The following SHROOM3 variants were observed in gnomAD, a reference collection of about 807,000 sequenced individuals.
SHROOM3 encodes the protein protein Shroom3.
In SHROOM3, 47 loss-of-function variants were observed where a neutral mutation model predicts 138.6. The ratio of observed to expected loss-of-function variants is 0.34; its 90% CI spans 0.27 to 0.43. SHROOM3 has a LOEUF of 0.43. Among genes scored for constraint, SHROOM3 ranks in the 20% least tolerant of loss-of-function variants. The probability of loss-of-function intolerance (pLI) is 1.00; values close to 1 mark genes in which losing one functional copy is unlikely to be tolerated. For synonymous variants in SHROOM3, 1,062 were observed against 1,063.3 expected (o/e 1.00, Z 0.02); for missense variants, 2,491 against 2,596.5 (o/e 0.96, Z 0.88).
At chr4:76,596,863 G>A (rs1734399897) in intron 2 of SHROOM3, among the ~76,000 whole-genome samples, 2 of 152,142 alleles carry the variant, frequency 1.3e-5, no homozygotes, top group African/African-American at 4.8e-5. Context: ...TCACCCCGGA[G>A]CCATCACTGG....
intron 2 of SHROOM3, among the ~76,000 whole-genome samples, chr4:76,675,969 G>T (rs936398021): frequency 1.3e-5 from 2 of 152,174 alleles, no homozygotes; most frequent in Admixed American, 1.3e-4. Context: ...AAAGTCAGGG[G>T]ACCCTAAAGT....
intron 3 of SHROOM3, among the ~76,000 whole-genome samples, chr4:76,713,520 C>T (rs890952803): frequency 2.6e-5 from 4 of 152,148 alleles, no homozygotes; most frequent in Non-Finnish European, 5.9e-5. Flanking sequence ...TTCAGGAACA[C>T]CTCCTGTAGA....
At chr4:76,525,942 G>T (rs1413111970) in intron 1 of SHROOM3, among the ~76,000 whole-genome samples, 1 of 152,192 alleles carries the variant, frequency 6.6e-6, no homozygotes, top group East Asian at 1.9e-4. Context: ...CTCCAGAGAA[G>T]CTTGAACTTT....
intron 2 of SHROOM3, among the ~76,000 whole-genome samples, chr4:76,652,645 T>C (rs1271401355): frequency 6.6e-6 from 1 of 152,156 alleles, no homozygotes; most frequent in Non-Finnish European, 1.5e-5. Context: ...AAAGTTTTAA[T>C]TTTTACATTT....
chr4:76,744,838 T>C (rs1211235947), intron 5 of SHROOM3, among the ~76,000 whole-genome samples: 1 of 152,232 alleles, frequency 6.6e-6, no homozygotes, highest in Non-Finnish European at 1.5e-5. Flanking sequence ...TTACAAGTTT[T>C]TGACAAGGAT....
intron 10 of SHROOM3, among the ~76,000 whole-genome samples, chr4:76,771,175 GCCAACATGGTGAA>G (rs1224610125): frequency 6.6e-6 from 1 of 152,080 alleles, no homozygotes; most frequent in African/African-American, 2.4e-5. Flanking sequence ...GACCAGCCTG[GCCAACATGGTGAA>G]CCAACATGGT....
At chr4:76,556,196 C>T (rs558752070) in intron 2 of SHROOM3, among the ~76,000 whole-genome samples, 3 of 152,310 alleles carry the variant, frequency 2.0e-5, no homozygotes, top group Admixed American at 2.0e-4. Context: ...CAAATTCTCT[C>T]ATTGGTTGTT....
At chr4:76,529,082 T>C (rs548173233) in intron 1 of SHROOM3, among the ~76,000 whole-genome samples, 13 of 152,300 alleles carry the variant, frequency 8.5e-5, no homozygotes, top group African/African-American at 3.1e-4. Flanking sequence ...TCCCAGTCCA[T>C]TGGATTTCTC....
intron 1 of SHROOM3, among the ~76,000 whole-genome samples, chr4:76,463,985 G>A (rs1731196566): frequency 6.6e-6 from 1 of 152,252 alleles, no homozygotes; most frequent in Non-Finnish European, 1.5e-5. Flanking sequence ...GAAGGGAAAT[G>A]CGGCATCAGA....
At chr4:76,657,641 G>T (rs1181993257) in intron 2 of SHROOM3, among the ~76,000 whole-genome samples, 1 of 152,194 alleles carries the variant, frequency 6.6e-6, no homozygotes, top group African/African-American at 2.4e-5. Context: ...GGGTGGGGGG[G>T]TCCCCTTGGA....
intron 5 of SHROOM3, among the ~76,000 whole-genome samples, chr4:76,746,794 A>G (rs200851117): frequency 1.3e-5 from 1 of 75,026 alleles, no homozygotes; most frequent in Non-Finnish European, 2.7e-5. Flanking sequence ...TATTATTATT[A>G]TTATTATTAT....
intron 1 of SHROOM3, among the ~76,000 whole-genome samples, chr4:76,528,592 C>T (rs577143381): frequency 1.5e-4 from 19 of 123,796 alleles, no homozygotes; most frequent in African/African-American, 6.0e-4. Flanking sequence ...GTTGCCCAGG[C>T]TGGAGTGCAA....
At chr4:76,666,772 C>A (rs1456522848) in intron 2 of SHROOM3, among the ~76,000 whole-genome samples, 1 of 152,028 alleles carries the variant, frequency 6.6e-6, no homozygotes, top group Non-Finnish European at 1.5e-5. Context: ...TATCTGCATA[C>A]CCATGTTCAT....
intron 1 of SHROOM3, among the ~76,000 whole-genome samples, chr4:76,497,961 C>T (rs1732004648): frequency 6.6e-6 from 1 of 152,178 alleles, no homozygotes; most frequent in Non-Finnish European, 1.5e-5. Flanking sequence ...TATCGAGCCC[C>T]TGGTCAATGT....
rs200283248 is a variant in SHROOM3 at position 76,740,439 on chromosome 4, C to T, written c.2266C>T (p.Leu756=). 665 of 1,612,498 alleles carry T rather than the reference C, an allele frequency of 4.1e-4. 1 individual carries two copies. Among genetic ancestry groups the T allele is most frequent in the Middle Eastern group, 2.6e-3 (16 of 6,058 alleles). ...PAPSHPHTSS[L]GRRGPGPGSA... ...CCCCTCGCACCCGCACACATCCAGT[C>T]TGGGCCGGAGGGGGCCCGGCCCAGG... Residue 756 remains leucine, a synonymous_variant, in exon 5 of 11, where the codon CTG becomes TTG. Transcript: ENST00000296043. This position sits in a 1 kb window ranked among gnomAD's most constrained non-coding sequence, Gnocchi z 4.0.
chr4:76,696,074 A>T (rs1180533329), intron 2 of SHROOM3, among the ~76,000 whole-genome samples: 2 of 152,028 alleles, frequency 1.3e-5, no homozygotes, highest in Non-Finnish European at 2.9e-5. Context: ...AATTATTAGG[A>T]CTCTGCTCTC....
rs1231197466 is a variant in SHROOM3, at chr4:76,756,792, A to G, written c.5053A>G (p.Ile1685Val). 1 of 1,614,204 alleles carries G rather than the reference A, an allele frequency of 6.2e-7. No individual in the cohort carries two copies. The highest frequency in any genetic ancestry group is 1.1e-5 in the South Asian group (1 of 91,084). ...IVHQDKSLAD[I>V]LDPDSRLKTT... Reference sequence around the variant, plus strand: ...CCACCAAGACAAATCTCTAGCAGACATTTTGGATCCAGACTCCAGGCTGAA... The same window carrying G: ...CCACCAAGACAAATCTCTAGCAGACGTTTTGGATCCAGACTCCAGGCTGAA... Residue 1685 changes from isoleucine (I) to valine (V), a missense_variant, in exon 8 of 11, where the codon ATT becomes GTT. Transcript: ENST00000296043.
In SHROOM3 at chr4:76,561,748, G is replaced by A. The variant is rs142492312; in HGVS notation, c.323+5985G>A. 4.6e-3 allele frequency among the ~76,000 whole-genome samples: 692 copies of A among 150,850 alleles called. 10 individuals are homozygous for A. The highest frequency in any genetic ancestry group is 0.015 in the African/African-American group (626 of 41,078). Reference sequence around the variant, plus strand: ...GACAAGGCCGGGCATGGTGGCTCACGTCTGTAATCCCAGCACTTTGGAAGG... The same window carrying A: ...GACAAGGCCGGGCATGGTGGCTCACATCTGTAATCCCAGCACTTTGGAAGG... On this transcript the variant is annotated intron_variant, in intron 2 of 10. Transcript: ENST00000296043.
At chr4:76,458,098 C>T (rs1397529893) in intron 1 of SHROOM3, among the ~76,000 whole-genome samples, 2 of 152,148 alleles carry the variant, frequency 1.3e-5, no homozygotes, top group East Asian at 1.9e-4. Flanking sequence ...TGGCTGCACC[C>T]GGCTTTTCTT....
Sources: allele counts gnomAD v4.1 joint callset (sites outside exome capture counted in the v4.1 genomes callset), GRCh38; gene constraint gnomAD v4.1.1; non-coding constraint Gnocchi (gnomAD v3.1); transcripts MANE v1.5; gene names NCBI Gene and HGNC (gene_info 2026-07-23, HGNC 2026-07-21).